Variants in GREB1L observed in about 807,000 individuals in gnomAD.
The protein encoded by GREB1L is GREB1 like retinoic acid receptor coactivator.
Under a neutral mutation model 200.8 loss-of-function variants are expected in GREB1L, and 17 were observed. The ratio of observed to expected loss-of-function variants is 0.08; its 90% CI spans 0.06 to 0.13. The LOEUF (loss-of-function observed/expected upper bound fraction) is 0.13. GREB1L is among the 10% of genes least tolerant of loss of function. The pLI, the probability that GREB1L is intolerant of heterozygous loss-of-function variation, is 1.00. For missense variants in GREB1L, 1,657 were observed against 2,367.7 expected (o/e 0.70, Z 6.23); for synonymous variants, 789 against 893.0 (o/e 0.88, Z 2.08).
chr18:21,312,372 T>A (rs2038805035), intron 1 of GREB1L, among the ~76,000 whole-genome samples: 1 of 152,168 alleles, frequency 6.6e-6, no homozygotes. Context: ...AAATGGCAGT[T>A]CTGTTTTTAG....
At chr18:21,315,855 C>T (rs1321521005) in intron 1 of GREB1L, among the ~76,000 whole-genome samples, 2 of 152,146 alleles carry the variant, frequency 1.3e-5, no homozygotes, top group Non-Finnish European at 2.9e-5. Context: ...AGCCAGCCTG[C>T]TCCGCCTCCC....
At position 21,399,786 on chromosome 18, in the gene GREB1L, A is replaced by C. The variant is rs890496337; in HGVS notation, c.533-1364A>C. Reference sequence around the variant, plus strand: ...CCCAGTGTTTAGCAAAATGCCTAGCATATAGGTAGATGCTCAATAAATAGT... The same window carrying C: ...CCCAGTGTTTAGCAAAATGCCTAGCCTATAGGTAGATGCTCAATAAATAGT... On this transcript the variant is annotated intron_variant, in intron 5 of 32. Transcript: ENST00000424526. Among the ~76,000 whole-genome samples, 4 of 152,256 alleles carry C rather than the reference A, an allele frequency of 2.6e-5. No individual in the cohort carries two copies. In the South Asian group the frequency reaches 8.3e-4, roughly 32 times the overall value.
intron 7 of GREB1L, among the ~76,000 whole-genome samples, chr18:21,421,507 G>A (rs930146013): frequency 2.3e-4 from 35 of 152,292 alleles, no homozygotes; most frequent in African/African-American, 7.9e-4. Context: ...AAAGAGGTCC[G>A]TTGTAGTTAA....
At chr18:21,452,625 A>G (rs552021348) in intron 14 of GREB1L, among the ~76,000 whole-genome samples, 9 of 152,280 alleles carry the variant, frequency 5.9e-5, no homozygotes, top group Middle Eastern at 3.4e-3. Context: ...TGTAAAACAC[A>G]CATTATCTCA....
chr18:21,505,324 G>A (rs2036968457), intron 23 of GREB1L, 88 bp from the exon 24 acceptor site: 2 of 1,257,056 alleles, frequency 1.6e-6, no homozygotes, highest in African/African-American at 1.5e-5. Context: ...ACCCATCTGG[G>A]CTCTACGTCC....
intron 1 of GREB1L, among the ~76,000 whole-genome samples, chr18:21,290,707 C>G (rs1386089441): frequency 6.6e-6 from 1 of 151,830 alleles, no homozygotes; most frequent in Non-Finnish European, 1.5e-5. Flanking sequence ...GCCTGTAATC[C>G]TAGCTACTCA....
chr18:21,520,612 C>T (rs553861577), intron 31 of GREB1L, 76 bp from the exon 32 acceptor site: 1 of 1,446,688 alleles, frequency 6.9e-7, no homozygotes, highest in Non-Finnish European at 9.5e-7. Flanking sequence ...AAGGAAGGTA[C>T]TGAGTCATTC....
At chr18:21,441,799 C>G (rs149590023) in intron 10 of GREB1L, among the ~76,000 whole-genome samples, 1 of 152,150 alleles carries the variant, frequency 6.6e-6, no homozygotes. Flanking sequence ...ATAAGCATTA[C>G]AACACATGGG....
intron 19 of GREB1L, among the ~76,000 whole-genome samples, chr18:21,493,746 A>C (rs1291617156): frequency 1.3e-5 from 2 of 151,576 alleles, no homozygotes; most frequent in African/African-American, 4.8e-5. Flanking sequence ...GGTGCCTGTA[A>C]TCGCAGCTAC....
intron 19 of GREB1L, among the ~76,000 whole-genome samples, chr18:21,494,250 A>G (rs2036458113): frequency 6.6e-6 from 1 of 152,314 alleles, no homozygotes; most frequent in East Asian, 1.9e-4. Flanking sequence ...TAGATTCCCT[A>G]TTTCCCCTTA....
intron 4 of GREB1L, 122 bp downstream of exon 4, chr18:21,384,525 A>AGCAT: frequency 1.3e-6 from 1 of 746,376 alleles, no homozygotes; most frequent in Non-Finnish European, 2.2e-6. Context: ...GAGGAATGAG[A>AGCAT]AATGATTATG....
At position 21,395,549 on chromosome 18, in the gene GREB1L, A is replaced by C; in HGVS notation, c.520A>C (p.Asn174His). Residue 174 changes from asparagine to histidine, a missense_variant, in exon 5 of 33, where the codon AAT (asparagine) becomes CAT (histidine). Transcript: ENST00000424526. ...KRFLPDDHGK[N>H]ALLGFSGNCI... Reference sequence around the variant, plus strand: ...ATTTCTACCAGATGATCATGGAAAAAATGCACTTTTAGGTGAGTGTTTCAT... The same window carrying C: ...ATTTCTACCAGATGATCATGGAAAACATGCACTTTTAGGTGAGTGTTTCAT... The C allele has an allele frequency of 6.5e-7, 1 of 1,549,680 alleles. No homozygotes were observed. Among genetic ancestry groups the C allele is most frequent in the Non-Finnish European group, 8.7e-7 (1 of 1,146,286 alleles).
In GREB1L at chr18:21,477,170, T is replaced by C; in HGVS notation, c.2370T>C (p.Ile790=). 2.6e-6 allele frequency: 4 copies of C among 1,550,128 alleles called. No individual in the cohort carries two copies. The highest frequency in any genetic ancestry group is 3.5e-6 in the Non-Finnish European group (4 of 1,145,690). Reference sequence around the variant, plus strand: ...ACTTTCAATTTTTCTACAGTGTCATTTCAGGCTCTTTGTCACATAGCGAAC... The same window carrying C: ...ACTTTCAATTTTTCTACAGTGTCATCTCAGGCTCTTTGTCACATAGCGAAC... ...DNSHVELTSV[I]SGSLSHSEPS... is the part of the protein sequence containing the mutation. The change falls in exon 17 of 33, where the codon ATT becomes ATC. Residue 790 remains isoleucine (I), a synonymous_variant. Transcript: ENST00000424526.
intron 1 of GREB1L, among the ~76,000 whole-genome samples, chr18:21,348,092 C>A (rs1360208185): frequency 2.6e-4 from 40 of 151,488 alleles, no homozygotes; most frequent in Non-Finnish European, 1.5e-5. Context: ...CTACAGGCAC[C>A]CACCACCATG....
chr18:21,253,035 G>T (rs1459139277), intron 1 of GREB1L, among the ~76,000 whole-genome samples: 2 of 152,062 alleles, frequency 1.3e-5, no homozygotes, highest in Non-Finnish European at 2.9e-5. Context: ...TTGCCCATTT[G>T]TATTCAAAAG....
In GREB1L at chr18:21,518,168, C is replaced by G; in HGVS notation, c.5406C>G (p.Pro1802=). The G allele has an allele frequency of 2.6e-6, 4 of 1,551,706 alleles. No individual in the cohort carries two copies. The highest frequency in any genetic ancestry group is 3.5e-6 in the Non-Finnish European group (4 of 1,146,986). Residue 1802 remains proline, a synonymous_variant, in exon 31 of 33, where the codon CCC becomes CCG. Coordinates refer to ENST00000424526, the MANE Select transcript of GREB1L (RefSeq NM_001142966.3). The part of the protein sequence containing the change: ...FLQHASYKLF[P]KAIHNFRSPV... The stretch of plus-strand genomic sequence containing the variant: ...AGCACGCCTCATATAAACTCTTCCC[C>G]AAAGCCATCCATAACTTCAGGAGTC...
intron 1 of GREB1L, among the ~76,000 whole-genome samples, chr18:21,276,475 C>T (rs953086119): frequency 1.3e-5 from 2 of 152,192 alleles, no homozygotes. Flanking sequence ...ATAAGCTCCT[C>T]TCCAGTTACC....
At chr18:21,505,998 G>T in intron 25 of GREB1L, 49 bp downstream of exon 25, 1 of 1,514,902 alleles carries the variant, frequency 6.6e-7, no homozygotes, top group Non-Finnish European at 8.9e-7. Context: ...TATGGATTTT[G>T]TATGTAAGGG....
At chr18:21,466,007 T>C (rs1465682754) in intron 15 of GREB1L, among the ~76,000 whole-genome samples, 1 of 152,198 alleles carries the variant, frequency 6.6e-6, no homozygotes. Flanking sequence ...CCATATGTGC[T>C]TAATTTCATA....
Sources: allele counts gnomAD v4.1 joint callset (sites outside exome capture counted in the v4.1 genomes callset), GRCh38; gene constraint gnomAD v4.1.1; transcripts MANE v1.5; gene names NCBI Gene and HGNC (gene_info 2026-07-23, HGNC 2026-07-21).